The following MCTP2 variants were observed in gnomAD, a reference collection of about 807,000 sequenced individuals.
The protein encoded by MCTP2 is multiple C2 and transmembrane domain-containing protein 2.
In MCTP2, 132 loss-of-function variants were observed where a neutral mutation model predicts 111.6. That is an observed-to-expected ratio of 1.18 (90% CI 1.03 to 1.37). The LOEUF (loss-of-function observed/expected upper bound fraction) is 1.37, where lower values mean the gene tolerates loss of function less well. MCTP2 is among the 40% of genes most tolerant of loss of function. MCTP2 has a pLI of 0.00. For missense variants in MCTP2, 1,183 were observed against 1,067.9 expected (o/e 1.11, Z -1.50); for synonymous variants, 395 against 387.7 (o/e 1.02, Z -0.22).
At chr15:94,440,031 G>A in intron 17 of MCTP2, 145 bp from the exon 18 acceptor site, 1 of 866,018 alleles carries the variant, frequency 1.2e-6, no homozygotes, top group Non-Finnish European at 1.8e-6. Context: ...GTTGATCATT[G>A]TGTGTGTGCG....
At chr15:94,255,548 C>T (rs552949013) in intron 1 of MCTP2, among the ~76,000 whole-genome samples, 2 of 152,184 alleles carry the variant, frequency 1.3e-5, no homozygotes, top group East Asian at 3.9e-4. Flanking sequence ...AGTGATAAAT[C>T]CTATTTACAT....
intron 12 of MCTP2, among the ~76,000 whole-genome samples, chr15:94,382,131 G>GC (rs2080173149): frequency 6.6e-6 from 1 of 152,244 alleles, no homozygotes; most frequent in African/African-American, 2.4e-5. Context: ...AGGCAAAGAA[G>GC]CAGGAGTAGA....
chr15:94,339,291 C>A lies in MCTP2; in HGVS notation c.639C>A (p.Gly213=). The stretch of plus-strand genomic sequence containing the variant: ...TCTTGTTTTCTTTTCCTTTTAAAGG[C>A]ACAAGTGATCCTTATGTGAAATTTA... ...GRNLVVRDRC[G]TSDPYVKFKL... is the part of the protein sequence containing the mutation. Residue 213 remains glycine, a splice_region_variant and synonymous_variant, in exon 5 of 23, where the codon GGC becomes GGA. Coordinates refer to ENST00000357742, the MANE Select transcript of MCTP2 (RefSeq NM_001385001.1). 6.3e-7 allele frequency: 1 copy of A among 1,591,610 alleles called. No homozygotes were observed. Among genetic ancestry groups the A allele is most frequent in the Non-Finnish European group, 8.5e-7 (1 of 1,171,618 alleles).
chr15:94,347,074 C>T (rs1387255045), intron 8 of MCTP2, among the ~76,000 whole-genome samples: 2 of 152,050 alleles, frequency 1.3e-5, no homozygotes, highest in Non-Finnish European at 2.9e-5. Flanking sequence ...TTATTCAAGG[C>T]ACACAAGTTA....
chr15:94,259,322 G>C (rs2073040699), intron 1 of MCTP2, among the ~76,000 whole-genome samples: 1 of 152,162 alleles, frequency 6.6e-6, no homozygotes, highest in Non-Finnish European at 1.5e-5. Flanking sequence ...CTGGCACCTG[G>C]GGCAGAGTGG....
At chr15:94,413,661 G>A (rs938883139) in intron 17 of MCTP2, among the ~76,000 whole-genome samples, 10 of 151,718 alleles carry the variant, frequency 6.6e-5, no homozygotes, top group Non-Finnish European at 1.5e-4. Context: ...TCCTCCCTTA[G>A]TTAGGTGTTT....
rs201923690 is a variant in MCTP2 at position 94,302,963 on chromosome 15, G to A, written c.465+4233G>A. On this transcript the variant is annotated intron_variant, in intron 2 of 22. Transcript: ENST00000357742. The stretch of plus-strand genomic sequence containing the variant: ...CAATCATGGCAGAAGGCAAGGAGGA[G>A]CAAGTCATGTCTTACATGGATGGCA... Among the ~76,000 whole-genome samples, 4 of 151,678 alleles carry A rather than the reference G, an allele frequency of 2.6e-5. No individual in the cohort carries two copies. The South Asian group carries it at 6.2e-4, about 24-fold the overall frequency.
At chr15:94,358,743 G>A in intron 10 of MCTP2, 131 bp downstream of exon 10, 1 of 1,037,318 alleles carries the variant, frequency 9.6e-7, no homozygotes, top group South Asian at 1.8e-5. Context: ...TCAGTGAGCT[G>A]GATGGCCAGT....
chr15:94,447,037 A>G (rs2084159974), intron 19 of MCTP2, among the ~76,000 whole-genome samples: 1 of 152,234 alleles, frequency 6.6e-6, no homozygotes, highest in East Asian at 1.9e-4. Context: ...TTAGTTTGTC[A>G]TCATTAAAAT....
rs1156326825 is a variant in MCTP2 at position 94,252,529 on chromosome 15, A to T, written c.-66+20865A>T. On this transcript the variant is annotated intron_variant, in intron 1 of 22. Coordinates refer to ENST00000357742, the MANE Select transcript of MCTP2 (RefSeq NM_001385001.1). ...TTGACCTTCAATTCTGTTTGACAAC[A>T]GTTAATTAGGCTGTGCTGTGGTAAG... 5.3e-5 allele frequency among the ~76,000 whole-genome samples: 8 copies of T among 152,166 alleles called. 2 individuals are homozygous for T. Among genetic ancestry groups the T allele is most frequent in the Non-Finnish European group, 1.2e-4 (8 of 68,028 alleles).
chr15:94,361,096 T>TG (rs1200323825), intron 10 of MCTP2, among the ~76,000 whole-genome samples: 5 of 137,358 alleles, frequency 3.6e-5, no homozygotes, highest in Non-Finnish European at 6.3e-5. Flanking sequence ...TTTTTTTTTT[T>TG]TTTTTTTTTT....
intron 2 of MCTP2, among the ~76,000 whole-genome samples, chr15:94,307,492 G>C (rs913933719): frequency 6.6e-6 from 1 of 152,206 alleles, no homozygotes; most frequent in African/African-American, 2.4e-5. Context: ...CTGGAGAGGA[G>C]GCAGTGAGGC....
Position 94,395,566 on chromosome 15 carries a change from A to T in MCTP2, c.1789-3395A>T, listed in dbSNP as rs553824995. ...TGAGAAGTTTTTTTCCTCTGTTCTC[A>T]CATGCTCACCTCTGTTATATGCTGA... On this transcript the variant is annotated intron_variant, in intron 14 of 22. Transcript: ENST00000357742. Among the ~76,000 whole-genome samples, 39 of 152,312 alleles carry T rather than the reference A, an allele frequency of 2.6e-4. No homozygotes were observed. In the Middle Eastern group the frequency reaches 0.017, roughly 66 times the overall value.
intron 17 of MCTP2, among the ~76,000 whole-genome samples, chr15:94,437,777 T>G (rs1596709449): frequency 6.6e-6 from 1 of 151,956 alleles, no homozygotes; most frequent in Admixed American, 6.6e-5. Flanking sequence ...TAGGAAAATA[T>G]ATCAATGGAG....
chr15:94,319,980 T>C (rs765047652), intron 4 of MCTP2, among the ~76,000 whole-genome samples: 8 of 152,226 alleles, frequency 5.3e-5, no homozygotes, highest in Non-Finnish European at 1.2e-4. Flanking sequence ...ATTTGTCCTA[T>C]GCAGTCTTTT....
chr15:94,434,708 T>G (rs2083373024), intron 17 of MCTP2, among the ~76,000 whole-genome samples: 1 of 152,194 alleles, frequency 6.6e-6, no homozygotes, highest in Non-Finnish European at 1.5e-5. Context: ...TATCTTCTAC[T>G]CCACTGATGT....
chr15:94,401,241 G>A (rs1022010249), intron 16 of MCTP2, among the ~76,000 whole-genome samples: 1 of 152,070 alleles, frequency 6.6e-6, no homozygotes, highest in Non-Finnish European at 1.5e-5. Flanking sequence ...AACTGGAAAC[G>A]TTTCCTTAGG....
intron 1 of MCTP2, among the ~76,000 whole-genome samples, chr15:94,245,636 T>TATACA (rs1567266832): frequency 3.2e-4 from 46 of 141,734 alleles, no homozygotes; most frequent in Non-Finnish European, 5.0e-4. Flanking sequence ...ATACATATAC[T>TATACA]TATACATATA....
chr15:94,289,839 CT>C, intron 1 of MCTP2, among the ~76,000 whole-genome samples: 1 of 152,250 alleles, frequency 6.6e-6, no homozygotes, highest in Non-Finnish European at 1.5e-5. Context: ...GCACAAAGGA[CT>C]TGTAGATGGG....
Sources: allele counts gnomAD v4.1 joint callset (sites outside exome capture counted in the v4.1 genomes callset), GRCh38; gene constraint gnomAD v4.1.1; transcripts MANE v1.5; gene names NCBI Gene and HGNC (gene_info 2026-07-23, HGNC 2026-07-21).